The following PTPRO variants were observed in gnomAD, a reference collection of about 807,000 sequenced individuals.
PTPRO encodes receptor-type tyrosine-protein phosphatase O.
In PTPRO, 62 loss-of-function variants were observed where a neutral mutation model predicts 145.2. The observed-to-expected ratio is 0.43, with a 90% CI of 0.35 to 0.53. The LOEUF (loss-of-function observed/expected upper bound fraction) is 0.53. PTPRO is among the 20% of genes least tolerant of loss of function. The probability of loss-of-function intolerance (pLI) is 0.01; values close to 1 mark genes in which losing one functional copy is unlikely to be tolerated. For synonymous variants in PTPRO, 565 were observed against 514.7 expected, an observed-to-expected ratio of 1.10 and a Z score of -1.32; for missense variants, 1,345 against 1,482.7, an observed-to-expected ratio of 0.91 and a Z score of 1.53.
intron 1 of PTPRO, chr12:15,410,693 T>C (rs1368414885): frequency 1.3e-5 from 2 of 152,222 alleles, no homozygotes; most frequent in African/African-American, 4.8e-5. Context: ...CTAATGAAAA[T>C]GTAAGCATTG....
chr12:15,466,034 G>A (rs1941407404), intron 1 of PTPRO, among the ~76,000 whole-genome samples: 1 of 152,132 alleles, frequency 6.6e-6, no homozygotes, highest in South Asian at 2.1e-4. Context: ...CATCACAAAA[G>A]TATGGTTGAA....
intron 12 of PTPRO, among the ~76,000 whole-genome samples, chr12:15,531,547 C>A (rs929450787): frequency 6.6e-6 from 1 of 152,092 alleles, no homozygotes; most frequent in African/African-American, 2.4e-5. Context: ...AACACATCTT[C>A]TACATTCAAA....
intron 1 of PTPRO, among the ~76,000 whole-genome samples, chr12:15,438,222 T>A (rs1210626436): frequency 6.6e-6 from 1 of 151,910 alleles, no homozygotes; most frequent in Admixed American, 6.6e-5. Context: ...CCTACCTGTA[T>A]GAAAAAAAAT....
chr12:15,353,946 T>C (rs1268033732), intron 1 of PTPRO, among the ~76,000 whole-genome samples: 2 of 152,172 alleles, frequency 1.3e-5, no homozygotes, highest in Admixed American at 1.3e-4. Context: ...AAAGCTATGC[T>C]CTTGTCTGCA....
chr12:15,370,978 A>G (rs1020990094), intron 1 of PTPRO, among the ~76,000 whole-genome samples: 1 of 152,204 alleles, frequency 6.6e-6, no homozygotes, highest in Non-Finnish European at 1.5e-5. Flanking sequence ...ATCCAACAAC[A>G]TGGATAATGT....
intron 23 of PTPRO, among the ~76,000 whole-genome samples, chr12:15,586,411 T>G (rs1861592): frequency 0.98 from 149,199 of 152,332 alleles, 73,145 homozygotes; most frequent in East Asian, 1. Context: ...GCTGTGGGCT[T>G]CCCTCAGCAG....
chr12:15,484,388 C>A, intron 2 of PTPRO, 141 bp downstream of exon 2: 1 of 918,820 alleles, frequency 1.1e-6, no homozygotes, highest in Non-Finnish European at 1.7e-6. Context: ...AAGTTATGAG[C>A]TATATTAAGA....
intron 1 of PTPRO, among the ~76,000 whole-genome samples, chr12:15,359,403 C>T (rs1938101981): frequency 7.0e-6 from 1 of 142,236 alleles, no homozygotes; most frequent in African/African-American, 2.6e-5. Flanking sequence ...GTGCATTGGT[C>T]TACTTTTCTT....
At chr12:15,332,903 G>A (rs1866653347) in intron 1 of PTPRO, among the ~76,000 whole-genome samples, 1 of 152,150 alleles carries the variant, frequency 6.6e-6, no homozygotes, top group Admixed American at 6.6e-5. Context: ...ATGAATAACT[G>A]CTTTGCCAAC....
Position 15,322,752 on chromosome 12 carries a change from A to G in PTPRO, c.26A>G (p.His9Arg). 6.2e-7 allele frequency: 1 copy of G among 1,611,774 alleles called. No homozygotes were observed. ...ATGGGGCACCTGCCCACGGGGATAC[A>G]CGGCGCCCGCCGCCTCCTGCCTCTG... MGHLPTGI[H>R]GARRLLPLLW... The change falls in exon 1 of 27, where the codon CAC becomes CGC. Residue 9 changes from histidine (H) to arginine (R), a missense_variant. This residue lies in a region of PTPRO where 1,130 missense variants were observed against 1,214.7 expected (regional missense o/e 0.93). Transcript: ENST00000281171. This position sits in a 1 kb window ranked among gnomAD's most constrained non-coding sequence, Gnocchi z 6.3.
Position 15,578,911 on chromosome 12 carries a change from G to A in PTPRO, c.2888G>A (p.Arg963Gln), listed in dbSNP as rs372031406. ...TTTGCTGCAGATCTTCCACTGAATC[G>A]ATGTAAAAACCGTTACACAAACATC... ...PHFAADLPLN[R>Q]CKNRYTNILP... Residue 963 changes from arginine to glutamine, a missense_variant, in exon 20 of 27, where the codon CGA (arginine) becomes CAA (glutamine). Arg to Gln is a conservative substitution (Grantham distance 43). Transcript: ENST00000281171. The A allele has an allele frequency of 8.1e-6, 13 of 1,606,084 alleles. No homozygotes were observed. Among genetic ancestry groups the A allele is most frequent in the East Asian group, 2.2e-5 (1 of 44,830 alleles).
intron 1 of PTPRO, among the ~76,000 whole-genome samples, chr12:15,365,207 G>A (rs1938325048): frequency 6.6e-6 from 1 of 152,108 alleles, no homozygotes; most frequent in East Asian, 1.9e-4. Context: ...CATTCTGGGT[G>A]TCTGGATCTC....
chr12:15,525,995 A>G (rs989129330), intron 11 of PTPRO, 147 bp from the exon 12 acceptor site: 2 of 1,067,958 alleles, frequency 1.9e-6, no homozygotes, highest in African/African-American at 1.6e-5. Flanking sequence ...AATTTTCAGA[A>G]GATATAACGT....
chr12:15,435,925 T>A (rs771376119), intron 1 of PTPRO, among the ~76,000 whole-genome samples: 9 of 152,234 alleles, frequency 5.9e-5, no homozygotes, highest in African/African-American at 9.6e-5. Context: ...CTATACTTTT[T>A]AAACTATCTG....
Position 15,384,821 on chromosome 12 carries a change from T to C in PTPRO, c.75+62020T>C, listed in dbSNP as rs1373214791. 4.6e-5 allele frequency among the ~76,000 whole-genome samples: 7 copies of C among 152,316 alleles called. No individual in the cohort carries two copies. The East Asian group carries it at 7.7e-4, about 17-fold the overall frequency. On this transcript the variant is annotated intron_variant, in intron 1 of 26. Transcript: ENST00000281171. ...ATGCTACAATTAAAATATTTCTGCGTGCAAAAAATTGTGAGTTTTTCTTGT... is the reference window on the plus strand; with the variant it reads ...ATGCTACAATTAAAATATTTCTGCGCGCAAAAAATTGTGAGTTTTTCTTGT...
intron 1 of PTPRO, among the ~76,000 whole-genome samples, chr12:15,430,418 T>C (rs1399667879): frequency 1.3e-5 from 2 of 152,002 alleles, no homozygotes; most frequent in Non-Finnish European, 2.9e-5. Context: ...TTGACTTCCT[T>C]CCTTAAGTCA....
chr12:15,592,453 C>G (rs73297745), intron 25 of PTPRO, among the ~76,000 whole-genome samples: 4 of 152,030 alleles, frequency 2.6e-5, no homozygotes, highest in African/African-American at 9.7e-5. Flanking sequence ...TTGCCTTGAC[C>G]CCACCATTCC....
In PTPRO at chr12:15,446,773, A is replaced by C. The variant is rs929969737; in HGVS notation, c.76-37201A>C. Among the ~76,000 whole-genome samples the C allele has an allele frequency of 5.4e-4, 82 of 151,062 alleles. 2 individuals carry two copies. Among genetic ancestry groups the C allele is most frequent in the Admixed American group, 2.0e-4 (3 of 15,188 alleles). On this transcript the variant is annotated intron_variant, in intron 1 of 26. Transcript: ENST00000281171. ...GGAAAAGATATTAATTTTTTTATTT[A>C]TTAAAATATTTTATTTATATAAAAT...
intron 1 of PTPRO, among the ~76,000 whole-genome samples, chr12:15,416,631 T>C (rs1289787739): frequency 6.6e-6 from 1 of 151,490 alleles, no homozygotes; most frequent in African/African-American, 2.4e-5. Context: ...TTCCTCTCTC[T>C]TAATTCAGTT....
Sources: gnomAD v4.1 joint callset for allele counts (sites outside exome capture counted in the v4.1 genomes callset) on GRCh38, gnomAD v4.1.1 for gene constraint, gnomAD v4.1.1 regional missense constraint, Gnocchi (gnomAD v3.1) non-coding constraint, MANE v1.5 for transcripts, NCBI Gene and HGNC (gene_info 2026-07-23, HGNC 2026-07-21) for gene names.